USP34: variants seen among roughly 807,000 people sequenced by gnomAD.
USP34 encodes ubiquitin specific peptidase 34, also known as ubiquitin carboxyl-terminal hydrolase 34.
Under a neutral mutation model 460.3 loss-of-function variants are expected in USP34, and 70 were observed. The observed-to-expected ratio is 0.15, with a 90% CI of 0.13 to 0.19. The LOEUF (loss-of-function observed/expected upper bound fraction) is 0.19, where lower values mean the gene tolerates loss of function less well. Among genes scored for constraint, USP34 ranks in the 10% least tolerant of loss-of-function variants. The probability of loss-of-function intolerance (pLI) is 1.00; values close to 1 mark genes in which losing one functional copy is unlikely to be tolerated. For synonymous variants in USP34, 1,647 were observed against 1,405.3 expected, an observed-to-expected ratio of 1.17 and a Z score of -3.85; for missense variants, 3,985 against 4,236.2, an observed-to-expected ratio of 0.94 and a Z score of 1.65.
At position 61,192,992 on chromosome 2, in the gene USP34, A is replaced by G. The variant is rs1572822629; in HGVS notation, c.9509-12T>C. 6.2e-7 allele frequency: 1 copy of G among 1,606,360 alleles called. No individual in the cohort carries two copies. Among genetic ancestry groups the G allele is most frequent in the East Asian group, 2.2e-5 (1 of 44,738 alleles). ...GGCAACTAGGACACCTAATATTTGAAAAGAAATCAGAATAGGTTATAATTA... is the reference window on the plus strand; with the variant it reads ...GGCAACTAGGACACCTAATATTTGAGAAGAAATCAGAATAGGTTATAATTA... On this transcript the variant is annotated splice_polypyrimidine_tract_variant and intron_variant, in intron 75 of 79. Coordinates refer to ENST00000398571, the MANE Select transcript of USP34 (RefSeq NM_014709.4).
chr2:61,466,688 G>GAT (rs1695772937), intron 1 of USP34, among the ~76,000 whole-genome samples: 2 of 152,138 alleles, frequency 1.3e-5, no homozygotes, highest in South Asian at 4.1e-4. Context: ...CAGGCAGGCA[G>GAT]ATCCCCTGAG....
intron 22 of USP34, 88 bp downstream of exon 22, chr2:61,319,085 A>C: frequency 7.5e-7 from 1 of 1,340,282 alleles, no homozygotes; most frequent in South Asian, 1.6e-5. Flanking sequence ...AAACTGTCAA[A>C]AAAAAAAAGG....
chr2:61,245,108 T>G, intron 51 of USP34, 102 bp downstream of exon 51: 1 of 735,806 alleles, frequency 1.4e-6, no homozygotes, highest in South Asian at 2.3e-5. Flanking sequence ...GATTTAATCA[T>G]AGCAATTAAA....
intron 70 of USP34, chr2:61,207,844 GT>G (rs1220920915): frequency 6.6e-6 from 1 of 151,848 alleles, no homozygotes; most frequent in East Asian, 1.9e-4. Flanking sequence ...TTATCTAAAT[GT>G]TTTCCCCCTT....
chr2:61,422,485 CAGAGT>C (rs1694391748), intron 1 of USP34, among the ~76,000 whole-genome samples: 1 of 152,174 alleles, frequency 6.6e-6, no homozygotes, highest in African/African-American at 2.4e-5. Context: ...GACATTTCAT[CAGAGT>C]AGAGTTCTCC....
At chr2:61,293,441 T>A (rs1416323212) in intron 33 of USP34, 23 bp downstream of exon 33, 40 of 1,588,524 alleles carry the variant, frequency 2.5e-5, no homozygotes, top group Non-Finnish European at 3.4e-5. Flanking sequence ...TGTAACTAGT[T>A]GAAACCATAA....
rs1219336439 is a variant in USP34 at position 61,246,387 on chromosome 2, C to G, written c.6485G>C (p.Gly2162Ala). The change falls in exon 50 of 80, where the codon GGT (glycine) becomes GCT (alanine). Residue 2162 changes from glycine (G) to alanine (A), a missense_variant. Transcript: ENST00000398571. ...TCTGATAAAGCTATAATAGTGTCCA[C>G]CATCTGCCGTTCCTGTGTGAACAGT... ...GVTVHTGTAD[G>A]GHYYSFIRDI... The G allele has an allele frequency of 6.2e-7, 1 of 1,610,966 alleles. No individual in the cohort carries two copies. The highest frequency in any genetic ancestry group is 8.5e-7 in the Non-Finnish European group (1 of 1,178,288).
chr2:61,250,056 T>C (rs1431717905), intron 48 of USP34, among the ~76,000 whole-genome samples: 1 of 152,152 alleles, frequency 6.6e-6, no homozygotes. Context: ...GAGACCATTC[T>C]GGCCAACATG....
At position 61,281,150 on chromosome 2, in the gene USP34, T is replaced by A. The variant is rs143014082; in HGVS notation, c.5091A>T (p.Leu1697=). 1.2e-6 allele frequency: 2 copies of A among 1,613,892 alleles called. No individual in the cohort carries two copies. The highest frequency in any genetic ancestry group is 1.7e-6 in the Non-Finnish European group (2 of 1,179,908). ...ATTTCAATAATGTTGAGGCAGCCAATAGCAGAAAAGAACGATTGATTGAGT... is the reference window on the plus strand; with the variant it reads ...ATTTCAATAATGTTGAGGCAGCCAAAAGCAGAAAAGAACGATTGATTGAGT... ...GGDSINRSFL[L]LAASTLLKFL... Residue 1697 remains leucine (L), a synonymous_variant, in exon 38 of 80, where the codon CTA becomes CTT. Transcript: ENST00000398571.
At chr2:61,443,112 C>T (rs1040083442) in intron 1 of USP34, among the ~76,000 whole-genome samples, 1 of 151,708 alleles carries the variant, frequency 6.6e-6, no homozygotes, top group African/African-American at 2.4e-5. Flanking sequence ...AAAAGTAGAA[C>T]AGAGGATACA....
chr2:61,452,563 CCACCCGCCTCAGCCTCCCGCCAAAGTG>C (rs1695315840), intron 1 of USP34, among the ~76,000 whole-genome samples: 1 of 151,736 alleles, frequency 6.6e-6, no homozygotes, highest in Non-Finnish European at 1.5e-5. Flanking sequence ...AGGTGGTGAT[CCACCCGCCTCAGCCTCCCGCCAAAGTG>C]CTGGCATTAC....
At chr2:61,335,615 G>A (rs771870757) in intron 18 of USP34, among the ~76,000 whole-genome samples, 3 of 152,086 alleles carry the variant, frequency 2.0e-5, no homozygotes, top group Non-Finnish European at 2.9e-5. Flanking sequence ...CACCCATGAT[G>A]GCACATGCCT....
rs140510090 is a variant in USP34, at chr2:61,279,560, C to T, written c.5256+684G>A. 9.2e-3 allele frequency among the ~76,000 whole-genome samples: 1,400 copies of T among 152,186 alleles called. 16 individuals carry two copies. Among genetic ancestry groups the T allele is most frequent in the African/African-American group, 0.03 (1,261 of 41,512 alleles). ...CTCACTGACTGCAACCTCTGCCTCC[C>T]GGGTTCAAGCGATTCTGCCTCAGCC... is the stretch of plus-strand genomic sequence containing the variant. On this transcript the variant is annotated intron_variant, in intron 39 of 79. Transcript: ENST00000398571.
intron 10 of USP34, among the ~76,000 whole-genome samples, chr2:61,354,732 G>A (rs1354351208): frequency 6.6e-6 from 1 of 152,202 alleles, no homozygotes; most frequent in Non-Finnish European, 1.5e-5. Context: ...TCACTATGTT[G>A]GGTTGGGCAA....
intron 43 of USP34, among the ~76,000 whole-genome samples, chr2:61,262,105 AAAAAAAAAAAAAT>A (rs1289397787): frequency 0.032 from 3,212 of 100,206 alleles, 171 homozygotes; most frequent in African/African-American, 0.11. Flanking sequence ...AAAAAAAAAA[AAAAAAAAAAAAAT>A]ATATATATAT....
chr2:61,439,754 G>A (rs1694914082), intron 1 of USP34, among the ~76,000 whole-genome samples: 1 of 152,340 alleles, frequency 6.6e-6, no homozygotes, highest in South Asian at 2.1e-4. Flanking sequence ...CAGGGAGGCA[G>A]GAGGCTGTGG....
chr2:61,316,671 C>T (rs1011993533), intron 23 of USP34, among the ~76,000 whole-genome samples: 5 of 151,606 alleles, frequency 3.3e-5, no homozygotes, highest in Admixed American at 6.6e-5. Context: ...GATCACCTGA[C>T]GTCAGGAGCT....
chr2:61,216,234 C>G (rs182758609), intron 67 of USP34, among the ~76,000 whole-genome samples: 1 of 152,174 alleles, frequency 6.6e-6, no homozygotes, highest in East Asian at 1.9e-4. Flanking sequence ...ATATAAAAAC[C>G]TGGCATGTAG....
chr2:61,469,299 G>T lies in USP34; in HGVS notation c.43+1351C>A, dbSNP rs1485128186. Among the ~76,000 whole-genome samples, 4 of 152,240 alleles carry T rather than the reference G, an allele frequency of 2.6e-5. No homozygotes were observed. The Middle Eastern group carries it at 0.01, about 388-fold the overall frequency. The stretch of plus-strand genomic sequence containing the variant: ...AAACGATTAACTTTCCAAGTTGAGC[G>T]TAACAATCATAATCACACGACTTGT... On this transcript the variant is annotated intron_variant, in intron 1 of 79. Transcript: ENST00000398571.
Sources: gnomAD v4.1 joint callset for allele counts (sites outside exome capture counted in the v4.1 genomes callset) on GRCh38, gnomAD v4.1.1 for gene constraint, MANE v1.5 for transcripts, NCBI Gene and HGNC (gene_info 2026-07-23, HGNC 2026-07-21) for gene names.